STON1: variants seen among roughly 807,000 people sequenced by gnomAD.
The protein encoded by STON1 is stonin-1.
A neutral mutation model predicts 60.9 loss-of-function variants in STON1; 79 were observed. The observed-to-expected ratio is 1.30, with a 90% CI of 1.08 to 1.56. The LOEUF (loss-of-function observed/expected upper bound fraction) is 1.56. STON1 is among the 40% of genes most tolerant of loss of function. The probability of loss-of-function intolerance (pLI) is 0.00; values close to 1 mark genes in which losing one functional copy is unlikely to be tolerated. For synonymous variants in STON1, 363 were observed against 306.9 expected (o/e 1.18, Z -1.91); for missense variants, 1,166 against 858.9 (o/e 1.36, Z -4.47).
Position 48,588,999 on chromosome 2 carries a change from A to G in STON1, c.1931-2654A>G, listed in dbSNP as rs116461485. 6.1e-3 allele frequency among the ~76,000 whole-genome samples: 937 copies of G among 152,364 alleles called. 9 individuals are homozygous for G. Among genetic ancestry groups the G allele is most frequent in the African/African-American group, 0.022 (912 of 41,580 alleles). On this transcript the variant is annotated intron_variant, in intron 2 of 3. Transcript: ENST00000404752. Reference sequence around the variant, plus strand: ...AAGAGAAAGGAAGAAAGAGAAAGACAGCTGAAGACAAATGAGGATGCTGGT... The same window carrying G: ...AAGAGAAAGGAAGAAAGAGAAAGACGGCTGAAGACAAATGAGGATGCTGGT...
In STON1 at chr2:48,581,747, A is replaced by G. The variant is rs1197656699; in HGVS notation, c.1114A>G (p.Ile372Val). Residue 372 changes from isoleucine (I) to valine (V), a missense_variant, in exon 2 of 4, where the codon ATA (isoleucine) becomes GTA (valine). Coordinates refer to ENST00000404752, the MANE Select transcript of STON1 (RefSeq NM_006873.4). The stretch of plus-strand genomic sequence containing the variant: ...GACAGAAGTAGTTCATGAACCTGAC[A>G]TAGAGCAGATGCTGAAGTTGGGGTC... The part of the protein sequence containing the change: ...SKTEVVHEPD[I>V]EQMLKLGSTS... The G allele has an allele frequency of 1.2e-6, 2 of 1,613,382 alleles. No homozygotes were observed. Among genetic ancestry groups the G allele is most frequent in the Non-Finnish European group, 1.7e-6 (2 of 1,179,886 alleles).
At position 48,591,859 on chromosome 2, in the gene STON1, C is replaced by G; in HGVS notation, c.2133+4C>G. ...GCGAGCTTGCTACAACATCCAGGTA[C>G]ATCCCAAAACTTCTAGAACTGTGAC... is the stretch of plus-strand genomic sequence containing the variant. On this transcript the variant is annotated splice_donor_region_variant and intron_variant, in intron 3 of 3. Coordinates refer to ENST00000404752, the MANE Select transcript of STON1 (RefSeq NM_006873.4). 6.2e-7 allele frequency: 1 copy of G among 1,613,408 alleles called. No individual in the cohort carries two copies. The highest frequency in any genetic ancestry group is 8.5e-7 in the Non-Finnish European group (1 of 1,179,702).
intron 1 of STON1, among the ~76,000 whole-genome samples, chr2:48,556,212 G>C (rs1328499571): frequency 2.1e-4 from 7 of 33,032 alleles, no homozygotes; most frequent in South Asian, 1.8e-3. Flanking sequence ...CTGGCCAGGC[G>C]GGGGGCTGAC....
Position 48,565,578 on chromosome 2 carries a change from C to T in STON1, c.-47-15009C>T, listed in dbSNP as rs191177228. Among the ~76,000 whole-genome samples, 684 of 152,220 alleles carry T rather than the reference C, an allele frequency of 4.5e-3. 22 individuals carry two copies. The highest frequency in any genetic ancestry group is 1.4e-3 in the Non-Finnish European group (97 of 68,024). On this transcript the variant is annotated intron_variant, in intron 1 of 3. Coordinates refer to ENST00000404752, the MANE Select transcript of STON1 (RefSeq NM_006873.4). ...GAATTATATTATCAGATCCCCAGGG[C>T]AGAATACAGGCATGGTCATAAGTTA...
At position 48,582,560 on chromosome 2, in the gene STON1, T is replaced by C; in HGVS notation, c.1927T>C (p.Ser643Pro). 1 of 1,605,824 alleles carries C rather than the reference T, an allele frequency of 6.2e-7. No individual in the cohort carries two copies. Among genetic ancestry groups the C allele is most frequent in the South Asian group, 1.1e-5 (1 of 89,498 alleles). Residue 643 changes from serine to proline, a missense_variant, in exon 2 of 4, where the codon TCA becomes CCA. By Grantham distance (74) the Ser-to-Pro change is moderately conservative. Transcript: ENST00000404752. ...GATAGATCGGCTTCCAGACAAAAAT[T>C]CAAGTAAATATTCAACACCCCAAGT... is the stretch of plus-strand genomic sequence containing the variant. ...WKIDRLPDKN[S>P]SLDHPHCLSY...
At chr2:48,566,249 C>A (rs959915721) in intron 1 of STON1, among the ~76,000 whole-genome samples, 2 of 152,194 alleles carry the variant, frequency 1.3e-5, no homozygotes, top group Non-Finnish European at 2.9e-5. Context: ...CATCTTGGCT[C>A]ACTGCAACCT....
At chr2:48,569,707 A>G (rs1348771382) in intron 1 of STON1, among the ~76,000 whole-genome samples, 1 of 152,214 alleles carries the variant, frequency 6.6e-6, no homozygotes, top group African/African-American at 2.4e-5. Context: ...TTGTTTTTCC[A>G]TACCAGTGCT....
At chr2:48,576,931 G>A (rs1365813791) in intron 1 of STON1, among the ~76,000 whole-genome samples, 1 of 151,548 alleles carries the variant, frequency 6.6e-6, no homozygotes, top group Non-Finnish European at 1.5e-5. Flanking sequence ...GCGGGCGCCT[G>A]TAGTCCCAGC....
intron 1 of STON1, among the ~76,000 whole-genome samples, chr2:48,551,331 G>A (rs997898935): frequency 6.6e-6 from 1 of 152,196 alleles, no homozygotes; most frequent in Non-Finnish European, 1.5e-5. Context: ...GTGAAGGAAG[G>A]TCATGCCCCA....
At chr2:48,560,148 G>C (rs1476736980) in intron 1 of STON1, among the ~76,000 whole-genome samples, 1 of 152,164 alleles carries the variant, frequency 6.6e-6, no homozygotes, top group Non-Finnish European at 1.5e-5. Context: ...GAACTGTTAA[G>C]ACCTGGCGAG....
At chr2:48,560,679 C>G (rs1445084681) in intron 1 of STON1, among the ~76,000 whole-genome samples, 1 of 152,190 alleles carries the variant, frequency 6.6e-6, no homozygotes, top group African/African-American at 2.4e-5. Context: ...CTGCCAGAAA[C>G]CAGTCCACCC....
intron 1 of STON1, among the ~76,000 whole-genome samples, chr2:48,553,840 G>C (rs1209302523): frequency 6.6e-6 from 1 of 152,164 alleles, no homozygotes; most frequent in East Asian, 1.9e-4. Context: ...AGTTTGAAGG[G>C]ACCTTGGAAA....
chr2:48,583,754 C>CTTTTTTTTT (rs905822150), intron 2 of STON1, among the ~76,000 whole-genome samples: 2 of 133,690 alleles, frequency 1.5e-5, no homozygotes, highest in Non-Finnish European at 1.6e-5. Context: ...TCTTTTTTTT[C>CTTTTTTTTT]TTTTTTTTTT....
intron 1 of STON1, among the ~76,000 whole-genome samples, chr2:48,543,280 T>A (rs2103762375): frequency 6.6e-6 from 1 of 152,118 alleles, no homozygotes; most frequent in Middle Eastern, 3.4e-3. Context: ...CGGCCATATC[T>A]TGATATTTTT....
Position 48,598,053 on chromosome 2 carries a change from G to A in STON1, c.*2751G>A, listed in dbSNP as rs1239288548. On this transcript the variant is annotated 3_prime_UTR_variant, in exon 4 of 4. Coordinates refer to ENST00000404752, the MANE Select transcript of STON1 (RefSeq NM_006873.4). Reference sequence around the variant, plus strand: ...GGAGTCAAATGAGCAGACTTCCAAGGAGTTGACCAGTTTGTGACTAGTCTG... The same window carrying A: ...GGAGTCAAATGAGCAGACTTCCAAGAAGTTGACCAGTTTGTGACTAGTCTG... 1 of 152,170 alleles carries A rather than the reference G, an allele frequency of 6.6e-6. No homozygotes were observed. The highest frequency in any genetic ancestry group is 1.5e-5 in the Non-Finnish European group (1 of 68,024). 9.4% of individuals were successfully genotyped at this position (152,170 alleles called of 1,614,324 possible).
intron 1 of STON1, among the ~76,000 whole-genome samples, chr2:48,576,312 C>A (rs536428068): frequency 2.5e-4 from 38 of 149,732 alleles, no homozygotes; most frequent in Middle Eastern, 3.5e-3. Context: ...GCCTCAGCCT[C>A]CTGAGTGGCT....
In STON1 at chr2:48,595,631, C is replaced by G; in HGVS notation, c.*329C>G. Reference sequence around the variant, plus strand: ...TTACTCAGTGGCTGACTGTTTTGCTCTCTGGATTACTGAGGTGCCGTCTTC... The same window carrying G: ...TTACTCAGTGGCTGACTGTTTTGCTGTCTGGATTACTGAGGTGCCGTCTTC... On this transcript the variant is annotated 3_prime_UTR_variant, in exon 4 of 4. Coordinates refer to ENST00000404752, the MANE Select transcript of STON1 (RefSeq NM_006873.4). 3.3e-6 allele frequency: 1 copy of G among 299,452 alleles called. No individual in the cohort carries two copies. The highest frequency in any genetic ancestry group is 6.2e-6 in the Non-Finnish European group (1 of 160,710). 18.5% of individuals were successfully genotyped at this position (299,452 alleles called of 1,614,324 possible). A position where few individuals can be genotyped will look rare whatever the true frequency, so the allele number is the denominator to read the frequency against.
intron 1 of STON1, among the ~76,000 whole-genome samples, chr2:48,540,675 G>A (rs1228106537): frequency 5.3e-5 from 8 of 152,154 alleles, no homozygotes; most frequent in Non-Finnish European, 1.2e-4. Flanking sequence ...CAGCAAATTC[G>A]CTGAACCCAA....
At chr2:48,534,339 A>G (rs1438377180) in intron 1 of STON1, among the ~76,000 whole-genome samples, 2 of 152,182 alleles carry the variant, frequency 1.3e-5, no homozygotes, top group Non-Finnish European at 2.9e-5. Context: ...TTCAGAAACT[A>G]GAACCAGAAG....
Sources: allele counts gnomAD v4.1 joint callset (sites outside exome capture counted in the v4.1 genomes callset), GRCh38; gene constraint gnomAD v4.1.1; transcripts MANE v1.5; gene names NCBI Gene and HGNC (gene_info 2026-07-23, HGNC 2026-07-21).